Variants in TMBIM1 observed in about 807,000 individuals in gnomAD.
The protein encoded by TMBIM1 is transmembrane BAX inhibitor motif containing 1, also known as protein lifeguard 3.
TMBIM1 carries 34 observed loss-of-function variants against 45.1 expected under a neutral mutation model. The observed-to-expected ratio is 0.75, with a 90% CI of 0.57 to 1.00. The LOEUF is 1.00. TMBIM1 is among the 50% of genes least tolerant of loss of function. TMBIM1 has a pLI of 0.00. For missense variants in TMBIM1, 374 were observed against 402.4 expected (o/e 0.93, Z 0.60); for synonymous variants, 157 against 153.5 (o/e 1.02, Z -0.17).
In TMBIM1 at chr2:218,282,180, A is replaced by G; in HGVS notation, c.-39T>C. The G allele has an allele frequency of 7.1e-7, 1 of 1,417,558 alleles. No homozygotes were observed. The highest frequency in any genetic ancestry group is 9.3e-7 in the Non-Finnish European group (1 of 1,075,596). 87.8% of individuals were successfully genotyped at this position (1,417,558 alleles called of 1,614,324 possible). A position where few individuals can be genotyped will look rare whatever the true frequency, so the allele number is the denominator to read the frequency against. ...CTGAGGGGGAACCCCAGCTGCTGGG[A>G]CCTGAAATGGGAGAGGAGAAAAGCA... On this transcript the variant is annotated splice_region_variant and 5_prime_UTR_variant, in exon 2 of 12. Transcript: ENST00000258412.
At chr2:218,285,903 C>T (rs1692466968) in intron 1 of TMBIM1, 1 of 153,888 alleles carries the variant, frequency 6.5e-6, no homozygotes, top group African/African-American at 2.4e-5. Context: ...ATCAGCAAGG[C>T]CTCCACTAGG....
intron 1 of TMBIM1, chr2:218,286,943 C>T (rs1273868791): frequency 1.3e-5 from 2 of 152,186 alleles, no homozygotes; most frequent in Admixed American, 6.5e-5. Context: ...GATTTGTTCC[C>T]CTCCCTTTTC....
intron 4 of TMBIM1, 75 bp downstream of exon 4, chr2:218,279,214 C>A: frequency 6.4e-7 from 1 of 1,553,340 alleles, no homozygotes; most frequent in Non-Finnish European, 8.8e-7. Flanking sequence ...CAGGGCCCAC[C>A]GCCACCCACA....
intron 10 of TMBIM1, 61 bp downstream of exon 10, chr2:218,276,943 T>C: frequency 7.1e-7 from 1 of 1,416,870 alleles, no homozygotes; most frequent in South Asian, 1.2e-5. Flanking sequence ...GAGACCATGC[T>C]ATATAGGAAG....
At chr2:218,287,522 A>AT (rs1692618737) in intron 1 of TMBIM1, among the ~76,000 whole-genome samples, 1 of 152,150 alleles carries the variant, frequency 6.6e-6, no homozygotes. Flanking sequence ...ATCGTGGCCA[A>AT]CATGGTCAAA....
At chr2:218,290,752 T>C (rs562555434) in intron 1 of TMBIM1, among the ~76,000 whole-genome samples, 29 of 152,364 alleles carry the variant, frequency 1.9e-4, no homozygotes, top group African/African-American at 5.5e-4. Context: ...TGTCGACTTC[T>C]GGATATCATT....
At position 218,277,916 on chromosome 2, in the gene TMBIM1, G is replaced by A; in HGVS notation, c.513+19C>T. On this transcript the variant is annotated intron_variant, in intron 7 of 11. Transcript: ENST00000258412. ...CCTCACAGCATCTCCACACCCTCCT[G>A]CCACCCTTCTAGACTTACAAAAAGG... is the stretch of plus-strand genomic sequence containing the variant. 1 of 1,614,062 alleles carries A rather than the reference G, an allele frequency of 6.2e-7. No individual in the cohort carries two copies. Among genetic ancestry groups the A allele is most frequent in the South Asian group, 1.1e-5 (1 of 91,058 alleles).
chr2:218,279,486 T>A, intron 3 of TMBIM1, 133 bp from the exon 4 acceptor site: 1 of 688,902 alleles, frequency 1.5e-6, no homozygotes, highest in Non-Finnish European at 2.3e-6. Context: ...GCGACCCCAG[T>A]GAGATGCCTG....
At chr2:218,276,637 A>G (rs959807506) in intron 10 of TMBIM1, among the ~76,000 whole-genome samples, 7 of 131,034 alleles carry the variant, frequency 5.3e-5, no homozygotes, top group African/African-American at 1.8e-4. Flanking sequence ...AATTGGATCC[A>G]GAGACCCCCG....
chr2:218,279,229 C>T, intron 4 of TMBIM1, 60 bp downstream of exon 4: 2 of 1,557,628 alleles, frequency 1.3e-6, no homozygotes, highest in Non-Finnish European at 1.7e-6. Flanking sequence ...CCCACACCCC[C>T]AGCAGGTGAC....
At chr2:218,291,739 C>T (rs188701351) in intron 1 of TMBIM1, among the ~76,000 whole-genome samples, 6 of 152,280 alleles carry the variant, frequency 3.9e-5, no homozygotes, top group African/African-American at 1.2e-4. Flanking sequence ...TCCCTTTTCC[C>T]GTTTCTCTGT....
chr2:218,291,238 C>T (rs1692908250), intron 1 of TMBIM1, among the ~76,000 whole-genome samples: 1 of 152,126 alleles, frequency 6.6e-6, no homozygotes, highest in African/African-American at 2.4e-5. Flanking sequence ...AGACAGGGCC[C>T]CTGACACTGT....
chr2:218,281,992 A>T lies in TMBIM1; in HGVS notation c.150T>A (p.Pro50=). ...PGYPQPGYGH[P]AGYPQPMPPT... ...GGGGCATGGGCTGTGGGTAGCCAGC[A>T]GGGTGACCGTAGCCAGGCTGCGGGT... The change falls in exon 2 of 12, where the codon CCT becomes CCA. Residue 50 remains proline (P), a synonymous_variant. Transcript: ENST00000258412. 1 of 1,607,106 alleles carries T rather than the reference A, an allele frequency of 6.2e-7. No individual in the cohort carries two copies.
Position 218,279,365 on chromosome 2 carries a change from C to A in TMBIM1, c.304-12G>T, listed in dbSNP as rs773236161. On this transcript the variant is annotated splice_polypyrimidine_tract_variant and intron_variant, in intron 3 of 11. Coordinates refer to ENST00000258412, the MANE Select transcript of TMBIM1 (RefSeq NM_022152.6). ...ATGATGGAGTAAACCTGGACACAGA[C>A]GGCCGGGCATGGGTCACCATCCGGC... The A allele has an allele frequency of 1.3e-6, 2 of 1,557,562 alleles. No homozygotes were observed. Among genetic ancestry groups the A allele is most frequent in the South Asian group, 1.2e-5 (1 of 81,428 alleles).
At chr2:218,278,044 AG>A (rs1205134720) in intron 6 of TMBIM1, 70 bp from the exon 7 acceptor site, 2 of 1,573,798 alleles carry the variant, frequency 1.3e-6, no homozygotes, top group East Asian at 2.3e-5. Flanking sequence ...CTACAGCAGA[AG>A]GAAGCGCTTG....
intron 2 of TMBIM1, among the ~76,000 whole-genome samples, chr2:218,281,329 GT>G (rs1365731118): frequency 6.6e-6 from 1 of 151,840 alleles, no homozygotes; most frequent in Non-Finnish European, 1.5e-5. Flanking sequence ...TGGAGATGGG[GT>G]TTTGCCATGT....
At chr2:218,282,927 C>G (rs1275109367) in intron 1 of TMBIM1, among the ~76,000 whole-genome samples, 1 of 152,188 alleles carries the variant, frequency 6.6e-6, no homozygotes, top group African/African-American at 2.4e-5. Context: ...CATGCGGCAG[C>G]CTGCGACCAC....
chr2:218,284,641 G>C (rs1268546218), intron 1 of TMBIM1, among the ~76,000 whole-genome samples: 1 of 152,222 alleles, frequency 6.6e-6, no homozygotes, highest in Non-Finnish European at 1.5e-5. Context: ...GCAGTTTCCA[G>C]GCCAGTCCTT....
At chr2:218,278,800 G>C (rs1691540812) in intron 5 of TMBIM1, among the ~76,000 whole-genome samples, 1 of 152,232 alleles carries the variant, frequency 6.6e-6, no homozygotes, top group Admixed American at 6.5e-5. Flanking sequence ...GAGAGGACAT[G>C]GGGGCTGCAG....
Sources: allele counts gnomAD v4.1 joint callset (sites outside exome capture counted in the v4.1 genomes callset), GRCh38; gene constraint gnomAD v4.1.1; transcripts MANE v1.5; gene names NCBI Gene and HGNC (gene_info 2026-07-23, HGNC 2026-07-21).